Variants in NFIB observed in about 807,000 individuals in gnomAD.
NFIB encodes the protein nuclear factor I B.
NFIB carries 11 observed loss-of-function variants against 61.5 expected under a neutral mutation model. The observed-to-expected ratio is 0.18, with a 90% CI of 0.11 to 0.30. NFIB has a LOEUF of 0.30. Ranked by LOEUF, NFIB falls within the 10% of genes least tolerant of loss-of-function variation. The pLI is 1.00. For synonymous variants in NFIB, 260 were observed against 216.5 expected, an observed-to-expected ratio of 1.20 and a Z score of -1.76; for missense variants, 471 against 608.9, an observed-to-expected ratio of 0.77 and a Z score of 2.38.
rs1563926086 is a variant in NFIB, at chr9:14,231,119, G to GA, written c.563-51340_563-51339insT. 1.2e-3 allele frequency among the ~76,000 whole-genome samples: 44 copies of GA among 35,410 alleles called. 1 individual carries two copies. The highest frequency in any genetic ancestry group is 2.2e-3 in the South Asian group (2 of 894). The allele number at this position is 35,410 out of a possible 152,430, so 23.2% of individuals were successfully genotyped here. ...TCCTTGGCCTACAGTTTTTCCATGG[G>GA]GAAAAAAAAAAAAAAAATATATATA... On this transcript the variant is annotated intron_variant, in intron 2 of 10. Coordinates refer to ENST00000380953, the MANE Select transcript of NFIB (RefSeq NM_001190737.2).
intron 2 of NFIB, among the ~76,000 whole-genome samples, chr9:14,284,434 T>C (rs993663173): frequency 1.1e-4 from 17 of 152,166 alleles, no homozygotes; most frequent in Non-Finnish European, 5.9e-5. Flanking sequence ...GAATGTAATG[T>C]ATAGGAATAA....
chr9:14,525,892 T>G, the NFIB span, among the ~76,000 whole-genome samples: 1 of 152,174 alleles, frequency 6.6e-6, no homozygotes, highest in Non-Finnish European at 1.5e-5. Context: ...TGCTCAGACC[T>G]GAGACTGTAT....
intron 2 of NFIB, among the ~76,000 whole-genome samples, chr9:14,220,845 A>ACCCACC (rs1554677585): frequency 1.0e-5 from 1 of 97,216 alleles, no homozygotes; most frequent in South Asian, 5.2e-4. Context: ...ATCTCCCTAC[A>ACCCACC]CACACACACA....
intron 2 of NFIB, among the ~76,000 whole-genome samples, chr9:14,216,694 C>T (rs2050964156): frequency 6.6e-6 from 1 of 152,048 alleles, no homozygotes; most frequent in African/African-American, 2.4e-5. Context: ...ACCACAGTCA[C>T]CATACCCAGG....
intron 1 of NFIB, among the ~76,000 whole-genome samples, chr9:14,352,165 G>A (rs569287714): frequency 2.0e-5 from 3 of 152,024 alleles, no homozygotes; most frequent in Non-Finnish European, 4.4e-5. Flanking sequence ...AGGAACACAT[G>A]CGTAAATCCA....
At chr9:14,512,510 T>C in the NFIB span, among the ~76,000 whole-genome samples, 1 of 152,312 alleles carries the variant, frequency 6.6e-6, no homozygotes, top group Non-Finnish European at 1.5e-5. Flanking sequence ...GATGATTATA[T>C]GGGTTTTTTT....
chr9:14,097,532 G>A (rs1344487375), intron 10 of NFIB, among the ~76,000 whole-genome samples: 1 of 152,094 alleles, frequency 6.6e-6, no homozygotes, highest in Non-Finnish European at 1.5e-5. Context: ...TAAGTGTAAT[G>A]TTGAAATAAA....
At chr9:14,350,577 T>C (rs2061096480) in intron 1 of NFIB, among the ~76,000 whole-genome samples, 1 of 152,048 alleles carries the variant, frequency 6.6e-6, no homozygotes, top group Non-Finnish European at 1.5e-5. Flanking sequence ...TCCAGATCTC[T>C]CAAGAATTGA....
intron 2 of NFIB, among the ~76,000 whole-genome samples, chr9:14,303,736 T>C (rs751972521): frequency 5.9e-5 from 9 of 152,212 alleles, no homozygotes; most frequent in Non-Finnish European, 1.2e-4. Flanking sequence ...GCAACCATTA[T>C]TGGCATCAAA....
intron 1 of NFIB, among the ~76,000 whole-genome samples, chr9:14,366,632 C>T (rs374080915): frequency 2.6e-5 from 4 of 151,976 alleles, no homozygotes; most frequent in African/African-American, 7.3e-5. Context: ...ATAACAGGCA[C>T]GTGCCACCAT....
chr9:14,493,628 C>T, the NFIB span, among the ~76,000 whole-genome samples: 1 of 152,160 alleles, frequency 6.6e-6, no homozygotes, highest in African/African-American at 2.4e-5. Flanking sequence ...TGTGCTCCTA[C>T]CCCACTCAGT....
intron 2 of NFIB, among the ~76,000 whole-genome samples, chr9:14,305,500 G>A (rs2059970914): frequency 1.3e-5 from 2 of 152,056 alleles, no homozygotes; most frequent in African/African-American, 4.8e-5. Flanking sequence ...GGACACATGG[G>A]ACAAAAATAT....
intron 10 of NFIB, among the ~76,000 whole-genome samples, chr9:14,101,634 C>T (rs2035800011): frequency 6.6e-6 from 1 of 152,138 alleles, no homozygotes; most frequent in African/African-American, 2.4e-5. Flanking sequence ...ATGATTATAC[C>T]ATGAATCTAA....
intron 2 of NFIB, among the ~76,000 whole-genome samples, chr9:14,201,179 A>G (rs969220300): frequency 1.3e-5 from 2 of 152,156 alleles, no homozygotes; most frequent in Admixed American, 1.3e-4. Flanking sequence ...CACTATAACC[A>G]GACTCCATCC....
chr9:14,472,760 G>C, the NFIB span, among the ~76,000 whole-genome samples: 1 of 151,998 alleles, frequency 6.6e-6, no homozygotes, highest in Non-Finnish European at 1.5e-5. Context: ...AGAATGGCGT[G>C]AACCCAGGAG....
At chr9:14,298,945 C>T (rs1162788286) in intron 2 of NFIB, among the ~76,000 whole-genome samples, 1 of 152,224 alleles carries the variant, frequency 6.6e-6, no homozygotes, top group Admixed American at 6.5e-5. Context: ...AGACCGACCT[C>T]ATAAAACAAG....
chr9:14,144,777 C>T (rs1484713860), intron 6 of NFIB, among the ~76,000 whole-genome samples: 3 of 152,124 alleles, frequency 2.0e-5, no homozygotes, highest in Non-Finnish European at 4.4e-5. Context: ...TCAGTTTAAG[C>T]TGGGCTCTGA....
rs1412162101 is a variant in NFIB at position 14,120,045 on chromosome 9, G to GT, written c.1245+394dup. On this transcript the variant is annotated intron_variant, in intron 8 of 10. Transcript: ENST00000380953. The surrounding 1 kb of genome is among the most constrained non-coding windows in gnomAD (Gnocchi z 4.4). ...TAATAGTTGGTCTATAAATACAACT[G>GT]TAAGTTCTTTTGTGTGTGTTTATTT... Among the ~76,000 whole-genome samples, 2 of 152,156 alleles carry GT rather than the reference G, an allele frequency of 1.3e-5. No individual in the cohort carries two copies. Among genetic ancestry groups the GT allele is most frequent in the Admixed American group, 6.5e-5 (1 of 15,280 alleles).
chr9:14,427,138 T>C, the NFIB span, among the ~76,000 whole-genome samples: 2 of 152,176 alleles, frequency 1.3e-5, no homozygotes, highest in Non-Finnish European at 2.9e-5. Context: ...CTTATCATGA[T>C]GGATTGCAAG....
Sources: allele counts gnomAD v4.1 joint callset (sites outside exome capture counted in the v4.1 genomes callset), GRCh38; gene constraint gnomAD v4.1.1; non-coding constraint Gnocchi (gnomAD v3.1); transcripts MANE v1.5; gene names NCBI Gene and HGNC (gene_info 2026-07-23, HGNC 2026-07-21).